AFF3: variants seen among roughly 807,000 people sequenced by gnomAD.
AFF3 encodes AF4/FMR2 family member 3.
AFF3 carries 32 observed loss-of-function variants against 129.7 expected under a neutral mutation model. The ratio of observed to expected loss-of-function variants is 0.25; its 90% CI spans 0.19 to 0.33. The LOEUF (loss-of-function observed/expected upper bound fraction) is 0.33. Ranked by LOEUF, AFF3 falls within the 10% of genes least tolerant of loss-of-function variation. The probability of loss-of-function intolerance (pLI) is 1.00; values close to 1 mark genes in which losing one functional copy is unlikely to be tolerated. For synonymous variants in AFF3, 644 were observed against 635.4 expected (o/e 1.01, Z -0.20); for missense variants, 1,373 against 1,592.0 (o/e 0.86, Z 2.34).
intron 4 of AFF3, among the ~76,000 whole-genome samples, chr2:100,033,488 T>G (rs1383260472): frequency 6.6e-6 from 1 of 152,158 alleles, no homozygotes; most frequent in African/African-American, 2.4e-5. Flanking sequence ...ACTCAAACCA[T>G]TTACCAGATG....
intron 8 of AFF3, among the ~76,000 whole-genome samples, chr2:99,795,199 A>T (rs1685475604): frequency 6.6e-6 from 1 of 152,198 alleles, no homozygotes; most frequent in African/African-American, 2.4e-5. Flanking sequence ...ACCATGGAAC[A>T]CTACTCAGCC....
intron 8 of AFF3, among the ~76,000 whole-genome samples, chr2:99,754,955 T>G (rs1681967625): frequency 1.3e-5 from 2 of 152,196 alleles, no homozygotes; most frequent in South Asian, 4.1e-4. Flanking sequence ...TTATCAGTCT[T>G]TCTTCTCTAA....
chr2:99,704,435 T>C (rs1677169002), intron 11 of AFF3, among the ~76,000 whole-genome samples: 1 of 152,138 alleles, frequency 6.6e-6, no homozygotes, highest in Non-Finnish European at 1.5e-5. Flanking sequence ...GACACTAACA[T>C]GTGCCACTTC....
At chr2:99,553,918 C>CAAAAAAAAAAAAAAAAAAAAA (rs61326965) in intron 24 of AFF3, among the ~76,000 whole-genome samples, 1 of 56,974 alleles carries the variant, frequency 1.8e-5, no homozygotes, top group African/African-American at 6.8e-5. Context: ...TGTCTCAAAC[C>CAAAAAAAAAAAAAAAAAAAAA]AAAAAAAAAA....
intron 11 of AFF3, among the ~76,000 whole-genome samples, chr2:99,692,432 T>G (rs1675763929): frequency 6.6e-6 from 1 of 152,046 alleles, no homozygotes; most frequent in South Asian, 2.1e-4. Context: ...TCACAGCATA[T>G]GGGGGCAGGA....
At chr2:99,705,448 T>C (rs1677267866) in intron 11 of AFF3, among the ~76,000 whole-genome samples, 1 of 152,132 alleles carries the variant, frequency 6.6e-6, no homozygotes, top group Non-Finnish European at 1.5e-5. Context: ...CAGGCATTTC[T>C]TCCTGAAATG....
chr2:100,128,834 G>T (rs1439941275), intron 2 of AFF3, among the ~76,000 whole-genome samples: 1 of 152,224 alleles, frequency 6.6e-6, no homozygotes, highest in Non-Finnish European at 1.5e-5. Flanking sequence ...GTCTAAGTGT[G>T]CTGGGAAGGG....
At chr2:99,555,255 G>A (rs1319121989) in intron 22 of AFF3, among the ~76,000 whole-genome samples, 1 of 152,134 alleles carries the variant, frequency 6.6e-6, no homozygotes, top group Non-Finnish European at 1.5e-5. Flanking sequence ...GGAAAAAAGA[G>A]CAGGAACACC....
chr2:99,612,333 T>G (rs925308652), intron 13 of AFF3, among the ~76,000 whole-genome samples: 3 of 152,222 alleles, frequency 2.0e-5, no homozygotes, highest in African/African-American at 7.2e-5. Context: ...CTGCTATAGT[T>G]CCTGCCCATT....
At chr2:99,750,202 C>T (rs908872436) in intron 9 of AFF3, among the ~76,000 whole-genome samples, 1 of 151,988 alleles carries the variant, frequency 6.6e-6, no homozygotes, top group Non-Finnish European at 1.5e-5. Context: ...TTAAGGAGTT[C>T]CTACAAATTA....
chr2:100,122,588 T>A (rs1692024660), intron 2 of AFF3, among the ~76,000 whole-genome samples: 1 of 152,142 alleles, frequency 6.6e-6, no homozygotes, highest in Non-Finnish European at 1.5e-5. Flanking sequence ...ACTGAACATA[T>A]GAGACCCTGA....
chr2:99,813,635 A>G (rs938187448), intron 8 of AFF3, among the ~76,000 whole-genome samples: 6 of 152,194 alleles, frequency 3.9e-5, no homozygotes, highest in African/African-American at 1.4e-4. Context: ...AGAATCAAGG[A>G]AGCTGAGACT....
At chr2:100,130,493 G>C (rs962968827) in intron 1 of AFF3, among the ~76,000 whole-genome samples, 2 of 152,236 alleles carry the variant, frequency 1.3e-5, no homozygotes, top group African/African-American at 4.8e-5. Flanking sequence ...CTCTGAGCAA[G>C]AGAAGTGTGG....
intron 7 of AFF3, chr2:100,006,337 T>A (rs1395737749): frequency 3.6e-6 from 1 of 281,640 alleles, no homozygotes; most frequent in African/African-American, 2.2e-5. Context: ...CAGTGAACAC[T>A]AGCTATTCAG....
intron 4 of AFF3, among the ~76,000 whole-genome samples, chr2:100,067,260 C>A (rs1687806489): frequency 6.6e-6 from 1 of 151,634 alleles, no homozygotes; most frequent in Non-Finnish European, 1.5e-5. Flanking sequence ...CGTCCCAGGA[C>A]TTAGAAAGCT....
intron 7 of AFF3, among the ~76,000 whole-genome samples, chr2:99,993,797 T>C (rs1379104918): frequency 9.6e-5 from 9 of 93,812 alleles, no homozygotes; most frequent in Admixed American, 3.6e-4. Flanking sequence ...TTTATCTTTT[T>C]TTTTTTTTTT....
intron 7 of AFF3, among the ~76,000 whole-genome samples, chr2:99,850,286 CT>C (rs1690050093): frequency 6.6e-6 from 1 of 152,076 alleles, no homozygotes; most frequent in Non-Finnish European, 1.5e-5. Flanking sequence ...TAATGTTTAC[CT>C]TTGTCGCTAA....
At chr2:100,013,800 A>G (rs1439795114) in intron 4 of AFF3, among the ~76,000 whole-genome samples, 1 of 152,248 alleles carries the variant, frequency 6.6e-6, no homozygotes, top group Non-Finnish European at 1.5e-5. Context: ...CACAGCTCAC[A>G]CACAAAGCAG....
At chr2:100,020,285 G>C (rs999265109) in intron 4 of AFF3, among the ~76,000 whole-genome samples, 1 of 151,916 alleles carries the variant, frequency 6.6e-6, no homozygotes, top group Admixed American at 6.6e-5. Context: ...CTCTTTGGCT[G>C]CTCCTCAGTC....
Sources: allele counts gnomAD v4.1 joint callset (sites outside exome capture counted in the v4.1 genomes callset), GRCh38; gene constraint gnomAD v4.1.1; transcripts MANE v1.5; gene names NCBI Gene and HGNC (gene_info 2026-07-23, HGNC 2026-07-21).